IPO9: variants seen among roughly 807,000 people sequenced by gnomAD.
The protein encoded by IPO9 is importin 9, also known as importin-9.
A neutral mutation model predicts 128.6 loss-of-function variants in IPO9; 28 were observed. That is an observed-to-expected ratio of 0.22 (90% CI 0.16 to 0.30). The LOEUF is 0.30. Among genes scored for constraint, IPO9 ranks in the 10% least tolerant of loss-of-function variants. The pLI is 1.00. For missense variants in IPO9, 935 were observed against 1,293.9 expected, an observed-to-expected ratio of 0.72 and a Z score of 4.26; for synonymous variants, 455 against 475.8, an observed-to-expected ratio of 0.96 and a Z score of 0.57.
intron 5 of IPO9, among the ~76,000 whole-genome samples, chr1:201,852,558 T>C (rs1296362261): frequency 6.6e-6 from 1 of 152,184 alleles, no homozygotes; most frequent in African/African-American, 2.4e-5. Flanking sequence ...TTGCACATAA[T>C]AGACCCTTAA....
Position 201,877,265 on chromosome 1 carries a change from C to T in IPO9, c.*1211C>T, listed in dbSNP as rs1162801109. 1 of 152,112 alleles carries T rather than the reference C, an allele frequency of 6.6e-6. No homozygotes were observed. Among genetic ancestry groups the T allele is most frequent in the Non-Finnish European group, 1.5e-5 (1 of 68,026 alleles). 9.4% of individuals were successfully genotyped at this position (152,112 alleles called of 1,614,324 possible). A position where few individuals can be genotyped will look rare whatever the true frequency, so the allele number is the denominator to read the frequency against. On this transcript the variant is annotated 3_prime_UTR_variant, in exon 24 of 24. Transcript: ENST00000361565. ...CCTGTAATCCTAGCACTTTGGGAGGCTGAGATGGGCGGATCACTTGAGATC... is the reference window on the plus strand; with the variant it reads ...CCTGTAATCCTAGCACTTTGGGAGGTTGAGATGGGCGGATCACTTGAGATC...
chr1:201,871,023 A>G, intron 18 of IPO9, 138 bp from the exon 19 acceptor site: 1 of 1,267,922 alleles, frequency 7.9e-7, no homozygotes, highest in South Asian at 1.4e-5. Flanking sequence ...ATGGACAAGG[A>G]AATCTCCCAT....
chr1:201,863,658 A>G, intron 14 of IPO9, 51 bp downstream of exon 14: 4 of 1,469,040 alleles, frequency 2.7e-6, no homozygotes, highest in Non-Finnish European at 3.7e-6. Flanking sequence ...CTCAGGTTAG[A>G]TATAACAAAT....
chr1:201,861,938 T>G (rs1242276953), intron 13 of IPO9, among the ~76,000 whole-genome samples: 2 of 151,848 alleles, frequency 1.3e-5, no homozygotes, highest in Non-Finnish European at 2.9e-5. Context: ...GCTTGCAATA[T>G]GAACAAGGCA....
chr1:201,858,680 C>CT (rs1553290905), intron 12 of IPO9, 127 bp downstream of exon 12: 1 of 792,164 alleles, frequency 1.3e-6, no homozygotes, highest in Non-Finnish European at 1.9e-6. Context: ...ATTTTAATCT[C>CT]TTATTATTAA....
intron 6 of IPO9, 68 bp downstream of exon 6, chr1:201,853,165 C>A: frequency 8.1e-7 from 1 of 1,240,016 alleles, no homozygotes; most frequent in South Asian, 1.2e-5. Context: ...AGCAGTGAGT[C>A]ATTTCATGAT....
chr1:201,829,229 C>T lies in IPO9; in HGVS notation c.20C>T (p.Ala7Val). The T allele has an allele frequency of 1.9e-6, 3 of 1,564,860 alleles. No individual in the cohort carries two copies. Among genetic ancestry groups the T allele is most frequent in the Non-Finnish European group, 1.7e-6 (2 of 1,160,168 alleles). MAAAAA[A>V]GAASGLPGPV... ...GAAAAGATGGCGGCGGCGGCGGCAG[C>T]TGGTGCGGCCTCCGGGCTGCCGGGT... The change falls in exon 1 of 24, where the codon GCT becomes GTT. Residue 7 changes from alanine (A) to valine (V), a missense_variant. Physicochemically the swap from Ala to Val is moderately conservative, Grantham distance 64. Transcript: ENST00000361565.
At position 201,872,932 on chromosome 1, in the gene IPO9, G is replaced by T; in HGVS notation, c.2681G>T (p.Gly894Val). The part of the protein sequence containing the change: ...KGEEIYSMDE[G>V]IRTRSKSAKN... ...GAGGAGATCTACAGCATGGATGAGG[G>T]CATCCGCACCCGCTCTAAGTCAGCC... The change falls in exon 20 of 24, where the codon GGC becomes GTC. Residue 894 changes from glycine to valine, a missense_variant. By Grantham distance (109) the Gly-to-Val change is moderately radical. Around this residue, in one of 3 missense-constraint regions of IPO9, gnomAD observed 188 missense variants for 246.7 expected, o/e 0.76. Transcript: ENST00000361565. 2 of 1,613,582 alleles carry T rather than the reference G, an allele frequency of 1.2e-6. No homozygotes were observed. Among genetic ancestry groups the T allele is most frequent in the South Asian group, 2.2e-5 (2 of 90,990 alleles).
In IPO9 at chr1:201,884,104, T is replaced by G. The variant is rs1234683050; in HGVS notation, c.*8050T>G. 1 of 152,212 alleles carries G rather than the reference T, an allele frequency of 6.6e-6. No individual in the cohort carries two copies. The highest frequency in any genetic ancestry group is 2.4e-5 in the African/African-American group (1 of 41,448). 9.4% of individuals were successfully genotyped at this position (152,212 alleles called of 1,614,324 possible). On this transcript the variant is annotated 3_prime_UTR_variant, in exon 24 of 24. Transcript: ENST00000361565. ...AGCAGGACTCATATCTAGTTAGTGGTTCAGAGCATGGGCTCCGGAGCTAGA... is the reference window on the plus strand; with the variant it reads ...AGCAGGACTCATATCTAGTTAGTGGGTCAGAGCATGGGCTCCGGAGCTAGA...
chr1:201,842,795 C>G (rs1680056887), intron 1 of IPO9, among the ~76,000 whole-genome samples: 1 of 152,194 alleles, frequency 6.6e-6, no homozygotes, highest in Non-Finnish European at 1.5e-5. Context: ...GGTGAGGCTG[C>G]TCAGATTGGC....
At chr1:201,875,130 C>G in intron 22 of IPO9, 22 bp from the exon 23 acceptor site, 1 of 1,609,612 alleles carries the variant, frequency 6.2e-7, no homozygotes, top group Non-Finnish European at 8.5e-7. Flanking sequence ...CTGACCCGCC[C>G]TGTGTTGGCT....
At position 201,872,792 on chromosome 1, in the gene IPO9, C is replaced by T. The variant is rs111709342; in HGVS notation, c.2577-36C>T. 75 of 1,587,158 alleles carry T rather than the reference C, an allele frequency of 4.7e-5. No individual in the cohort carries two copies. The African/African-American group carries it at 4.8e-4, about 10-fold the overall frequency. On this transcript the variant is annotated intron_variant, in intron 19 of 23. Coordinates refer to ENST00000361565, the MANE Select transcript of IPO9 (RefSeq NM_018085.5). ...CTCCTTGGAGTGAACTCGAGATGGG[C>T]GGCTGATTGACCTTTTTTTGGATCT... is the stretch of plus-strand genomic sequence containing the variant.
rs147575517 is a variant in IPO9 at position 201,872,606 on chromosome 1, AAACAACAAC to A, written c.2577-204_2577-196del. Reference sequence around the variant, plus strand: ...GTGACAGAATGAGACCCTATCTCAAAAACAACAACAACAACAACAACAACAAAAAAGCAC... The same window carrying A: ...GTGACAGAATGAGACCCTATCTCAAAAACAACAACAACAACAAAAAAGCAC... On this transcript the variant is annotated intron_variant, in intron 19 of 23. Coordinates refer to ENST00000361565, the MANE Select transcript of IPO9 (RefSeq NM_018085.5). Among the ~76,000 whole-genome samples the A allele has an allele frequency of 6.0e-3, 891 of 147,850 alleles. 9 individuals carry two copies. The highest frequency in any genetic ancestry group is 0.019 in the African/African-American group (721 of 38,106).
intron 13 of IPO9, among the ~76,000 whole-genome samples, chr1:201,861,307 A>G (rs1183786519): frequency 6.6e-6 from 1 of 152,216 alleles, no homozygotes; most frequent in Non-Finnish European, 1.5e-5. Context: ...GGTTGGACTT[A>G]TGATTTTTCA....
chr1:201,847,460 A>T (rs1310564874), intron 2 of IPO9, 92 bp from the exon 3 acceptor site: 1 of 1,355,120 alleles, frequency 7.4e-7, no homozygotes, highest in Non-Finnish European at 1.0e-6. Flanking sequence ...CCAGATTTAG[A>T]TATACTTCAG....
intron 1 of IPO9, among the ~76,000 whole-genome samples, chr1:201,845,749 T>C (rs1324916614): frequency 1.3e-5 from 2 of 152,186 alleles, no homozygotes; most frequent in Non-Finnish European, 2.9e-5. Context: ...GAGTATTACA[T>C]TTATAGGCAT....
In IPO9 at chr1:201,855,900, A is replaced by G; in HGVS notation, c.1088A>G (p.Tyr363Cys). The change falls in exon 10 of 24, where the codon TAT becomes TGT. Residue 363 changes from tyrosine to cysteine, a missense_variant. Physicochemically the swap from Tyr to Cys is radical, Grantham distance 194 (BLOSUM62 -2). Around this residue, in one of 3 missense-constraint regions of IPO9, gnomAD observed 741 missense variants for 1,019.1 expected, o/e 0.73. Transcript: ENST00000361565. The part of the protein sequence containing the change: ...VKKALPELIY[Y>C]IILYMQITEE... ...AAAGCCTTGCCTGAATTGATTTATT[A>G]TATTATCCTGTACATGCAAATCACT... The G allele has an allele frequency of 6.2e-7, 1 of 1,609,656 alleles. No homozygotes were observed. The highest frequency in any genetic ancestry group is 8.5e-7 in the Non-Finnish European group (1 of 1,178,982).
chr1:201,859,669 A>G (rs886415251), intron 13 of IPO9, among the ~76,000 whole-genome samples: 3 of 152,194 alleles, frequency 2.0e-5, no homozygotes, highest in African/African-American at 7.2e-5. Flanking sequence ...TCTTAAAAAG[A>G]AAAAAGTAGG....
chr1:201,875,803 G>C, intron 23 of IPO9, 141 bp from the exon 24 acceptor site: 1 of 682,314 alleles, frequency 1.5e-6, no homozygotes. Context: ...CTAGATCCAA[G>C]AACATGAAAG....
Sources: allele counts gnomAD v4.1 joint callset (sites outside exome capture counted in the v4.1 genomes callset), GRCh38; gene constraint gnomAD v4.1.1; regional missense constraint gnomAD v4.1.1; transcripts MANE v1.5; gene names NCBI Gene and HGNC (gene_info 2026-07-23, HGNC 2026-07-21).